The following PLAC1 variants were observed in gnomAD, a reference collection of about 807,000 sequenced individuals.
The protein encoded by PLAC1 is placenta-specific protein 1.
For synonymous variants in PLAC1, 68 were observed against 62.1 expected (o/e 1.09, Z -0.44); for missense variants, 136 against 163.2 (o/e 0.83, Z 0.91).
At chrX:134,712,189 A>G (rs1322752779) in intron 2 of PLAC1, among the ~76,000 whole-genome samples, 1 of 111,279 alleles carries the variant, frequency 9.0e-6, no homozygotes, top group African/African-American at 3.3e-5. Context: ...GTCATTTCCA[A>G]TATTCTAGAA....
intron 1 of PLAC1, among the ~76,000 whole-genome samples, chrX:134,627,925 C>T (rs1320293171): frequency 1.8e-5 from 2 of 111,503 alleles, no homozygotes; most frequent in East Asian, 5.6e-4. Context: ...GGGGAGGTTC[C>T]ACCACTGACT....
At chrX:134,619,683 GA>G (rs2078202200) in intron 1 of PLAC1, among the ~76,000 whole-genome samples, 1 of 109,441 alleles carries the variant, frequency 9.1e-6, no homozygotes, top group Non-Finnish European at 1.9e-5. Flanking sequence ...AAAAGAAAAA[GA>G]AAACCTAATT....
chrX:134,644,141 T>TCAA (rs2078320103), intron 1 of PLAC1, among the ~76,000 whole-genome samples: 1 of 110,923 alleles, frequency 9.0e-6, no homozygotes, highest in Admixed American at 9.6e-5. Context: ...ACTCTGCTAT[T>TCAA]CAACATTTTA....
At chrX:134,623,613 A>G (rs1275075020) in intron 1 of PLAC1, among the ~76,000 whole-genome samples, 1 of 112,074 alleles carries the variant, frequency 8.9e-6, no homozygotes, top group Admixed American at 9.5e-5. Flanking sequence ...ATGCTAGCTC[A>G]GGGATCTCTG....
intron 1 of PLAC1, among the ~76,000 whole-genome samples, chrX:134,656,927 T>C (rs929302758): frequency 1.8e-5 from 2 of 111,749 alleles, no homozygotes; most frequent in African/African-American, 6.5e-5. Context: ...ATTTTCATCT[T>C]ATCTGCTCAT....
At chrX:134,667,706 A>C (rs186140438) in intron 2 of PLAC1, among the ~76,000 whole-genome samples, 1 of 111,166 alleles carries the variant, frequency 9.0e-6, no homozygotes, top group Non-Finnish European at 1.9e-5. Flanking sequence ...AGATTACTTG[A>C]AGGCAGGAGT....
intron 2 of PLAC1, among the ~76,000 whole-genome samples, chrX:134,719,382 A>C (rs1401341840): frequency 8.9e-6 from 1 of 112,504 alleles, no homozygotes. Flanking sequence ...TAAGAAAATC[A>C]GTCAATGTAG....
At chrX:134,653,337 C>G (rs2078373620) in intron 1 of PLAC1, among the ~76,000 whole-genome samples, 2 of 112,460 alleles carry the variant, frequency 1.8e-5, no homozygotes, top group Admixed American at 9.3e-5. Flanking sequence ...ACTACCCACC[C>G]TTCTCCATTT....
At chrX:134,713,203 G>T (rs1029147453) in intron 2 of PLAC1, among the ~76,000 whole-genome samples, 3 of 111,636 alleles carry the variant, frequency 2.7e-5, no homozygotes, top group Non-Finnish European at 3.8e-5. Context: ...TTGAATAAAT[G>T]AATGAATGAA....
rs759907673 is a variant in PLAC1, at chrX:134,570,612, C to G, written c.-58-3872G>C. ...TTGCAAATTAGCCTTGCAACATGCC[C>G]GAAGCAATGAGCCTAGATGCATTTG... On this transcript the variant is annotated intron_variant, in intron 2 of 2. Transcript: ENST00000359237. 9.0e-5 allele frequency among the ~76,000 whole-genome samples: 10 copies of G among 111,481 alleles called. No individual in the cohort carries two copies. In the South Asian group the frequency reaches 3.1e-3, roughly 34 times the overall value.
At chrX:134,644,238 A>G (rs948662135) in intron 1 of PLAC1, among the ~76,000 whole-genome samples, 4 of 111,499 alleles carry the variant, frequency 3.6e-5, no homozygotes, top group African/African-American at 1.3e-4. Context: ...ATTTGCAGAT[A>G]ATATAATCAT....
chrX:134,752,038 G>A (rs2078746099), intron 1 of PLAC1, among the ~76,000 whole-genome samples: 1 of 112,133 alleles, frequency 8.9e-6, no homozygotes, highest in South Asian at 3.7e-4. Context: ...GCTTTCCTGT[G>A]AGGCTACATT....
At chrX:134,568,659 G>A (rs1396415655) in intron 2 of PLAC1, among the ~76,000 whole-genome samples, 3 of 110,979 alleles carry the variant, frequency 2.7e-5, no homozygotes, top group African/African-American at 9.8e-5. Context: ...AGAAGCAGCA[G>A]CAACAAACAA....
At chrX:134,651,114 G>A (rs1249896091) in intron 1 of PLAC1, 1 of 275,302 alleles carries the variant, frequency 3.6e-6, no homozygotes, top group Non-Finnish European at 7.4e-6. Context: ...TGTCTTTATT[G>A]CTCAGAGGAG....
At chrX:134,588,387 C>T (rs1044295975) in intron 2 of PLAC1, among the ~76,000 whole-genome samples, 3 of 108,390 alleles carry the variant, frequency 2.8e-5, no homozygotes, top group Non-Finnish European at 5.7e-5. Flanking sequence ...TGCAGTGGCA[C>T]GATCTTGGCT....
intron 2 of PLAC1, among the ~76,000 whole-genome samples, chrX:134,707,172 A>G (rs1432928183): frequency 8.9e-6 from 1 of 112,255 alleles, no homozygotes; most frequent in Non-Finnish European, 1.9e-5. Flanking sequence ...ATGACATGGT[A>G]TTTTTTAAGT....
chrX:134,586,675 T>C (rs1487066642), intron 2 of PLAC1, among the ~76,000 whole-genome samples: 11 of 99,456 alleles, frequency 1.1e-4, no homozygotes, highest in East Asian at 3.1e-4. Flanking sequence ...CTTTTCTTTT[T>C]TTTTTTTTTT....
chrX:134,726,077 T>G (rs2078673270), intron 2 of PLAC1, among the ~76,000 whole-genome samples: 1 of 111,562 alleles, frequency 9.0e-6, no homozygotes, highest in Non-Finnish European at 1.9e-5. Flanking sequence ...TTTGGAACCC[T>G]CCATACACCC....
At chrX:134,666,014 G>A (rs1456769363) in intron 2 of PLAC1, among the ~76,000 whole-genome samples, 3 of 111,511 alleles carry the variant, frequency 2.7e-5, no homozygotes, top group Non-Finnish European at 5.6e-5. Context: ...ACTCCTTTCA[G>A]CTGGTCAACG....
Sources: gnomAD v4.1 joint callset for allele counts (sites outside exome capture counted in the v4.1 genomes callset) on GRCh38, gnomAD v4.1.1 for gene constraint, MANE v1.5 for transcripts, NCBI Gene and HGNC (gene_info 2026-07-23, HGNC 2026-07-21) for gene names.